Variants in TIAM1 observed in about 807,000 individuals in gnomAD.
The protein encoded by TIAM1 is rho guanine nucleotide exchange factor TIAM1.
TIAM1 carries 65 observed loss-of-function variants against 163.5 expected under a neutral mutation model. That is an observed-to-expected ratio of 0.40 (90% confidence interval 0.33 to 0.49). The LOEUF (loss-of-function observed/expected upper bound fraction) is 0.49, where lower values mean the gene tolerates loss of function less well. TIAM1 is among the 20% of genes least tolerant of loss of function. The probability of loss-of-function intolerance (pLI) is 0.77; values close to 1 mark genes in which losing one functional copy is unlikely to be tolerated. For synonymous variants in TIAM1, 833 were observed against 810.1 expected, an observed-to-expected ratio of 1.03 and a Z score of -0.48; for missense variants, 1,789 against 2,044.7, an observed-to-expected ratio of 0.87 and a Z score of 2.41.
chr21:31,339,286 C>T lies in TIAM1; in HGVS notation c.-232G>A, dbSNP rs1055271348. 1 of 398,408 alleles carries T rather than the reference C, an allele frequency of 2.5e-6. No individual in the cohort carries two copies. Among genetic ancestry groups the T allele is most frequent in the African/African-American group, 2.1e-5 (1 of 48,612 alleles). 24.7% of individuals were successfully genotyped at this position (398,408 alleles called of 1,614,324 possible). On this transcript the variant is annotated 5_prime_UTR_variant, in exon 2 of 28. Transcript: ENST00000541036. Reference sequence around the variant, plus strand: ...GGCTTTGTCAAGATCTCCAAATGGGCCATCTGCAGGGACTGCTCACATACT... The same window carrying T: ...GGCTTTGTCAAGATCTCCAAATGGGTCATCTGCAGGGACTGCTCACATACT...
At chr21:31,509,467 G>A (rs913046669) in intron 1 of TIAM1, among the ~76,000 whole-genome samples, 1 of 152,156 alleles carries the variant, frequency 6.6e-6, no homozygotes, top group Non-Finnish European at 1.5e-5. Context: ...CGCTCCTCGG[G>A]CACCCAACTG....
At chr21:31,443,230 C>G (rs1436951706) in intron 2 of TIAM1, among the ~76,000 whole-genome samples, 1 of 152,126 alleles carries the variant, frequency 6.6e-6, no homozygotes, top group African/African-American at 2.4e-5. Context: ...TGCTTTTGGT[C>G]ATTGGGAATA....
chr21:31,225,586 A>G (rs2087903576), intron 7 of TIAM1, 140 bp downstream of exon 7: 1 of 674,028 alleles, frequency 1.5e-6, no homozygotes, highest in Non-Finnish European at 2.5e-6. Flanking sequence ...CAGTCACAGT[A>G]AAGAACTTAG....
intron 2 of TIAM1, among the ~76,000 whole-genome samples, chr21:31,290,162 A>AC (rs770937056): frequency 6.6e-5 from 10 of 152,346 alleles, no homozygotes; most frequent in Non-Finnish European, 1.0e-4. Flanking sequence ...ATTTGAACCA[A>AC]CAGAAATCTA....
chr21:31,143,307 T>G (rs1225962395), intron 20 of TIAM1, among the ~76,000 whole-genome samples: 2 of 152,122 alleles, frequency 1.3e-5, no homozygotes, highest in East Asian at 3.9e-4. Context: ...TCTGGATGAC[T>G]TTCCCCCACT....
At chr21:31,258,173 A>G (rs756199898) in intron 4 of TIAM1, among the ~76,000 whole-genome samples, 2 of 151,800 alleles carry the variant, frequency 1.3e-5, no homozygotes, top group Non-Finnish European at 2.9e-5. Context: ...CTTCACCCCA[A>G]CGAGCTCCAC....
chr21:31,208,529 A>G (rs928586087), intron 11 of TIAM1, among the ~76,000 whole-genome samples: 1 of 152,236 alleles, frequency 6.6e-6, no homozygotes, highest in African/African-American at 2.4e-5. Context: ...AAAATTGTGA[A>G]CTGAGATACC....
At chr21:31,514,797 G>A (rs529038256) in intron 1 of TIAM1, among the ~76,000 whole-genome samples, 1 of 152,352 alleles carries the variant, frequency 6.6e-6, no homozygotes, top group East Asian at 1.9e-4. Context: ...TGTGGTCCCT[G>A]CTGATGCAGC....
chr21:31,423,967 T>C (rs2043690372), intron 2 of TIAM1, among the ~76,000 whole-genome samples: 2 of 151,762 alleles, frequency 1.3e-5, no homozygotes, highest in Admixed American at 1.3e-4. Context: ...ACTGAGAATA[T>C]ACTAAAAAAC....
At chr21:31,281,104 AAAAAC>A (rs1251577836) in intron 2 of TIAM1, among the ~76,000 whole-genome samples, 171 of 151,438 alleles carry the variant, frequency 1.1e-3, no homozygotes, top group African/African-American at 3.9e-3. Flanking sequence ...AAAAAAAAAA[AAAAAC>A]AACGACAAAA....
intron 5 of TIAM1, among the ~76,000 whole-genome samples, chr21:31,247,043 G>C (rs2071538449): frequency 6.6e-6 from 1 of 152,134 alleles, no homozygotes; most frequent in African/African-American, 2.4e-5. Context: ...AAGTTTGCCA[G>C]GCACAGTGGC....
intron 2 of TIAM1, among the ~76,000 whole-genome samples, chr21:31,321,992 G>A (rs2075331435): frequency 6.6e-6 from 1 of 152,040 alleles, no homozygotes; most frequent in African/African-American, 2.4e-5. Context: ...GGCAGAAGTG[G>A]CAGTGAGCCA....
chr21:31,363,022 A>C (rs1344918643), intron 2 of TIAM1, among the ~76,000 whole-genome samples: 1 of 152,144 alleles, frequency 6.6e-6, no homozygotes, highest in Non-Finnish European at 1.5e-5. Flanking sequence ...CTTAACCACA[A>C]GATGGGCACA....
chr21:31,487,591 C>T (rs2046317358), intron 1 of TIAM1, among the ~76,000 whole-genome samples: 1 of 144,272 alleles, frequency 6.9e-6, no homozygotes, highest in Admixed American at 7.0e-5. Flanking sequence ...CGCTCTGTCG[C>T]CCAGGCCGGA....
intron 1 of TIAM1, among the ~76,000 whole-genome samples, chr21:31,511,566 C>T (rs868503796): frequency 4.6e-5 from 7 of 152,296 alleles, no homozygotes; most frequent in South Asian, 4.1e-4. Context: ...GCAATACTTA[C>T]GCAGCAATCA....
At chr21:31,224,039 G>C (rs2087783495) in intron 7 of TIAM1, among the ~76,000 whole-genome samples, 2 of 152,178 alleles carry the variant, frequency 1.3e-5, no homozygotes, top group South Asian at 4.1e-4. Flanking sequence ...ACACAGGGTG[G>C]AAGTGGAACA....
intron 2 of TIAM1, among the ~76,000 whole-genome samples, chr21:31,404,536 CT>C (rs35784628): frequency 0.11 from 15,804 of 139,562 alleles, 1,984 homozygotes; most frequent in African/African-American, 0.31. Context: ...CCAGTATGGT[CT>C]TTTTTTTTTT....
rs1180791587 is a variant in TIAM1, at chr21:31,147,723, AAATATAT to A, written c.3367-727_3367-721del. 5.5e-5 allele frequency among the ~76,000 whole-genome samples: 8 copies of A among 144,330 alleles called. No homozygotes were observed. In the South Asian group the frequency reaches 1.5e-3, roughly 26 times the overall value. The allele number at this position is 144,330 out of a possible 152,430, so 94.7% of individuals were successfully genotyped here. A position where few individuals can be genotyped will look rare whatever the true frequency, so the allele number is the denominator to read the frequency against. ...AAATATATATTTTATATAATATATA[AAATATAT>A]AATATATAAAAATATATAATATATA... On this transcript the variant is annotated intron_variant, in intron 19 of 27. Transcript: ENST00000541036.
chr21:31,425,661 C>T (rs1229938267), intron 2 of TIAM1, among the ~76,000 whole-genome samples: 2 of 98,810 alleles, frequency 2.0e-5, no homozygotes, highest in Non-Finnish European at 3.5e-5. Context: ...TTCTTTCTTT[C>T]TCTCTCTCTT....
Sources: gnomAD v4.1 joint callset for allele counts (sites outside exome capture counted in the v4.1 genomes callset) on GRCh38, gnomAD v4.1.1 for gene constraint, MANE v1.5 for transcripts, NCBI Gene and HGNC (gene_info 2026-07-23, HGNC 2026-07-21) for gene names.